Variants in TMCC3 observed in about 807,000 individuals in gnomAD.
TMCC3 encodes transmembrane and coiled-coil domain family 3, also known as transmembrane and coiled-coil domain protein 3.
A neutral mutation model predicts 40.2 loss-of-function variants in TMCC3; 28 were observed. The ratio of observed to expected loss-of-function variants is 0.70; its 90% CI spans 0.52 to 0.95. The LOEUF (loss-of-function observed/expected upper bound fraction) is 0.95. Among genes scored for constraint, TMCC3 ranks in the 40% least tolerant of loss-of-function variants. The pLI is 0.00. For synonymous variants in TMCC3, 255 were observed against 248.5 expected (o/e 1.03, Z -0.25); for missense variants, 554 against 615.2 (o/e 0.90, Z 1.05).
At chr12:94,608,523 A>T (rs1488269723) in intron 1 of TMCC3, among the ~76,000 whole-genome samples, 3 of 151,638 alleles carry the variant, frequency 2.0e-5, no homozygotes, top group Non-Finnish European at 4.4e-5. Flanking sequence ...GTTACACTGC[A>T]CACCTGGACC....
chr12:94,576,784 A>AT (rs199952901), intron 3 of TMCC3, among the ~76,000 whole-genome samples: 4 of 151,926 alleles, frequency 2.6e-5, no homozygotes, highest in Non-Finnish European at 2.9e-5. Flanking sequence ...GCCCTGGGCA[A>AT]TTTTTTTTTA....
chr12:94,649,916 G>A (rs890036042), intron 1 of TMCC3, among the ~76,000 whole-genome samples: 12 of 152,044 alleles, frequency 7.9e-5, no homozygotes, highest in Non-Finnish European at 1.5e-4. Flanking sequence ...ACGCCCCGAG[G>A]ACAGGGAGAC....
At chr12:94,631,714 T>G (rs1472574150) in intron 1 of TMCC3, among the ~76,000 whole-genome samples, 2 of 152,230 alleles carry the variant, frequency 1.3e-5, no homozygotes, top group Admixed American at 1.3e-4. Flanking sequence ...CCTAATCTCA[T>G]GTAATATATA....
At chr12:94,594,094 A>G (rs1158345322) in intron 1 of TMCC3, among the ~76,000 whole-genome samples, 3 of 152,096 alleles carry the variant, frequency 2.0e-5, no homozygotes, top group African/African-American at 7.2e-5. Flanking sequence ...GACCCTGTGT[A>G]CCTTGAAAAC....
chr12:94,578,026 A>G (rs1459152023), intron 3 of TMCC3, among the ~76,000 whole-genome samples: 3 of 151,476 alleles, frequency 2.0e-5, no homozygotes, highest in Non-Finnish European at 4.4e-5. Context: ...GCATGTGCCT[A>G]TAGCCCCAGC....
intron 1 of TMCC3, among the ~76,000 whole-genome samples, chr12:94,620,144 C>A (rs993698917): frequency 1.3e-5 from 2 of 150,998 alleles, no homozygotes; most frequent in Non-Finnish European, 2.9e-5. Context: ...GCCTGGGCAA[C>A]AAAAGCGAGA....
rs550411407 is a variant in TMCC3, at chr12:94,582,339, A to T, written c.278T>A (p.Val93Asp). 1 of 1,614,026 alleles carries T rather than the reference A, an allele frequency of 6.2e-7. No individual in the cohort carries two copies. Among genetic ancestry groups the T allele is most frequent in the East Asian group, 2.2e-5 (1 of 44,852 alleles). ...KIEQTSRDGNVAEYLKLVNNA... is the reference protein window; with the variant it reads ...KIEQTSRDGNDAEYLKLVNNA... ...GTTCACTAGTTTCAGATACTCCGCA[A>T]CATTCCCATCGCGCGATGTTTGCTC... Residue 93 changes from valine (V) to aspartate (D), a missense_variant, in exon 2 of 4, where the codon GTT (valine) becomes GAT (aspartate). By Grantham distance (152) the Val-to-Asp change is radical. Coordinates refer to ENST00000261226, the MANE Select transcript of TMCC3 (RefSeq NM_020698.4).
Position 94,581,872 on chromosome 12 carries a change from G to A in TMCC3, c.745C>T (p.Pro249Ser). 1.2e-6 allele frequency: 2 copies of A among 1,614,212 alleles called. No homozygotes were observed. The highest frequency in any genetic ancestry group is 1.3e-5 in the African/African-American group (1 of 75,062). Residue 249 changes from proline (P) to serine (S), a missense_variant, in exon 2 of 4, where the codon CCC becomes TCC. Transcript: ENST00000261226. ...YGGSATIVNK[P>S]KYGSDDECSS... ...CATTCATCATCACTGCCATACTTGG[G>A]TTTGTTCACGATGGTAGCGCTGCCC... is the stretch of plus-strand genomic sequence containing the variant.
At position 94,647,282 on chromosome 12, in the gene TMCC3, G is replaced by A. The variant is rs188289027; in HGVS notation, c.78+3071C>T. Among the ~76,000 whole-genome samples, 131 of 152,266 alleles carry A rather than the reference G, an allele frequency of 8.6e-4. 2 individuals carry two copies. The highest frequency in any genetic ancestry group is 2.9e-3 in the African/African-American group (120 of 41,552). On this transcript the variant is annotated intron_variant, in intron 1 of 3. Transcript: ENST00000261226. Reference sequence around the variant, plus strand: ...TCATTACTTACATTTTCACTAAGGGGGGAGGGGTTATCTAGGTCAGTCCAC... The same window carrying A: ...TCATTACTTACATTTTCACTAAGGGAGGAGGGGTTATCTAGGTCAGTCCAC...
chr12:94,617,890 A>G (rs2068855868), intron 1 of TMCC3, among the ~76,000 whole-genome samples: 1 of 152,196 alleles, frequency 6.6e-6, no homozygotes, highest in Non-Finnish European at 1.5e-5. Context: ...ATTTAAGAGG[A>G]AGAGTGTCTA....
chr12:94,642,238 G>A (rs2068994662), intron 1 of TMCC3, among the ~76,000 whole-genome samples: 1 of 152,160 alleles, frequency 6.6e-6, no homozygotes, highest in African/African-American at 2.4e-5. Context: ...CAATCAGTCT[G>A]TATTAATTAC....
intron 3 of TMCC3, among the ~76,000 whole-genome samples, chr12:94,572,057 T>G (rs139767549): frequency 0.014 from 2,102 of 152,300 alleles, 52 homozygotes; most frequent in African/African-American, 0.047. Context: ...TGGAGTGCAG[T>G]GGTGCGATCT....
At chr12:94,584,532 C>A (rs2068626625) in intron 1 of TMCC3, among the ~76,000 whole-genome samples, 1 of 151,748 alleles carries the variant, frequency 6.6e-6, no homozygotes, top group South Asian at 2.1e-4. Flanking sequence ...GGACCATATC[C>A]AACAACGGGT....
intron 1 of TMCC3, among the ~76,000 whole-genome samples, chr12:94,589,887 C>T (rs1019688597): frequency 6.6e-6 from 1 of 152,148 alleles, no homozygotes; most frequent in Non-Finnish European, 1.5e-5. Context: ...ATATGCAAGA[C>T]TTAGCAAGAT....
intron 1 of TMCC3, among the ~76,000 whole-genome samples, chr12:94,610,836 CTA>C (rs1013139366): frequency 2.7e-4 from 41 of 151,972 alleles, no homozygotes; most frequent in African/African-American, 7.0e-4. Context: ...ATTGTATACT[CTA>C]TGTGTATGAA....
intron 1 of TMCC3, among the ~76,000 whole-genome samples, chr12:94,607,707 G>A (rs758904250): frequency 3.3e-5 from 5 of 152,106 alleles, no homozygotes; most frequent in Non-Finnish European, 5.9e-5. Context: ...TGCCCAGCCT[G>A]AAAGAAGGTG....
chr12:94,611,600 T>C (rs1340362016), intron 1 of TMCC3, among the ~76,000 whole-genome samples: 1 of 152,222 alleles, frequency 6.6e-6, no homozygotes. Flanking sequence ...TAGGACCTCC[T>C]GCAGATACCA....
At chr12:94,644,062 C>A (rs559359345) in intron 1 of TMCC3, among the ~76,000 whole-genome samples, 1 of 152,340 alleles carries the variant, frequency 6.6e-6, no homozygotes, top group East Asian at 1.9e-4. Flanking sequence ...TGACTGCATT[C>A]TTCCTTTCAC....
At chr12:94,631,697 C>T (rs1405008962) in intron 1 of TMCC3, among the ~76,000 whole-genome samples, 1 of 152,230 alleles carries the variant, frequency 6.6e-6, no homozygotes, top group Non-Finnish European at 1.5e-5. Flanking sequence ...GTTAAGACAA[C>T]ACTGGCCCTA....
Sources: allele counts gnomAD v4.1 joint callset (sites outside exome capture counted in the v4.1 genomes callset), GRCh38; gene constraint gnomAD v4.1.1; transcripts MANE v1.5; gene names NCBI Gene and HGNC (gene_info 2026-07-23, HGNC 2026-07-21).